PRKN: variants seen among roughly 807,000 people sequenced by gnomAD.
PRKN encodes the protein E3 ubiquitin-protein ligase parkin.
In PRKN, 56 loss-of-function variants were observed where a neutral mutation model predicts 59.5. The observed-to-expected ratio is 0.94, with a 90% CI of 0.76 to 1.18. The LOEUF is 1.18. Ranked by LOEUF, PRKN falls within the 50% of genes most tolerant of loss-of-function variation. PRKN has a pLI of 0.00. For missense variants in PRKN, 657 were observed against 596.4 expected, an observed-to-expected ratio of 1.10 and a Z score of -1.06; for synonymous variants, 250 against 222.1, an observed-to-expected ratio of 1.13 and a Z score of -1.12.
intron 1 of PRKN, among the ~76,000 whole-genome samples, chr6:162,593,234 T>C (rs1469385456): frequency 6.6e-6 from 1 of 152,172 alleles, no homozygotes; most frequent in African/African-American, 2.4e-5. Flanking sequence ...TCGAGGGCAA[T>C]TGGGCATCTT....
rs1391554735 is a variant in PRKN at position 162,338,614 on chromosome 6, C to A, written c.172-75849G>T. 2.1e-3 allele frequency among the ~76,000 whole-genome samples: 321 copies of A among 152,126 alleles called. 2 individuals are homozygous for A. The highest frequency in any genetic ancestry group is 7.4e-3 in the African/African-American group (309 of 41,562). ...TCTCGGCTCACTACAACCTACACCT[C>A]CCAGCCGCCTGCCTTGGCCTCCCAA... On this transcript the variant is annotated intron_variant, in intron 2 of 11. Transcript: ENST00000366898.
chr6:162,572,754 CTT>C (rs1780394729), intron 1 of PRKN, among the ~76,000 whole-genome samples: 1 of 152,168 alleles, frequency 6.6e-6, no homozygotes. Flanking sequence ...AATGATAACA[CTT>C]ATTATGCAGA....
chr6:162,374,298 CT>C (rs1175861947), intron 2 of PRKN, among the ~76,000 whole-genome samples: 1 of 151,504 alleles, frequency 6.6e-6, no homozygotes, highest in Non-Finnish European at 1.5e-5. Flanking sequence ...AAAAGAAGGA[CT>C]TTAGGTTACT....
chr6:162,685,043 G>A (rs1051757529), intron 1 of PRKN, among the ~76,000 whole-genome samples: 7 of 152,112 alleles, frequency 4.6e-5, no homozygotes, highest in Non-Finnish European at 1.0e-4. Context: ...CAGCAGGACT[G>A]GACATGTTCC....
intron 6 of PRKN, among the ~76,000 whole-genome samples, chr6:161,924,795 C>T (rs1264027174): frequency 6.6e-6 from 1 of 152,174 alleles, no homozygotes; most frequent in African/African-American, 2.4e-5. Flanking sequence ...ATCTCCACAG[C>T]ATTAAATTCA....
chr6:162,059,343 T>C (rs1207204888), intron 4 of PRKN, among the ~76,000 whole-genome samples: 4 of 152,232 alleles, frequency 2.6e-5, no homozygotes, highest in Non-Finnish European at 2.9e-5. Flanking sequence ...TGTTAGTTTA[T>C]GCAGCTGCTC....
chr6:161,364,094 G>A (rs1464504904), intron 10 of PRKN, among the ~76,000 whole-genome samples: 1 of 150,832 alleles, frequency 6.6e-6, no homozygotes, highest in Non-Finnish European at 1.5e-5. Context: ...GCGTGAACCC[G>A]GGAGGCTGAG....
chr6:162,536,970 C>G (rs1267540745), intron 1 of PRKN, among the ~76,000 whole-genome samples: 1 of 151,966 alleles, frequency 6.6e-6, no homozygotes, highest in Non-Finnish European at 1.5e-5. Context: ...GGTTGTTGAC[C>G]AATTGTATGT....
At chr6:161,781,230 G>A (rs186712399) in intron 7 of PRKN, among the ~76,000 whole-genome samples, 41 of 152,080 alleles carry the variant, frequency 2.7e-4, no homozygotes, top group Admixed American at 7.2e-4. Context: ...GAGGTGCCAG[G>A]GAATATAAGT....
At chr6:161,973,450 G>A in intron 5 of PRKN, 33 bp from the exon 6 acceptor site, 1 of 1,182,996 alleles carries the variant, frequency 8.5e-7, no homozygotes, top group Non-Finnish European at 1.3e-6. Flanking sequence ...CACACACATG[G>A]ATCCCGGCTG....
intron 1 of PRKN, among the ~76,000 whole-genome samples, chr6:162,705,757 C>A (rs955992138): frequency 1.3e-5 from 2 of 152,176 alleles, no homozygotes; most frequent in African/African-American, 4.8e-5. Context: ...TATTCTGTAA[C>A]CCTCAGTCAG....
rs573316115 is a variant in PRKN at position 161,785,808 on chromosome 6, G to A, written c.835C>T (p.His279Tyr). The A allele has an allele frequency of 1.9e-6, 3 of 1,614,066 alleles. No homozygotes were observed. Among genetic ancestry groups the A allele is most frequent in the South Asian group, 2.2e-5 (2 of 91,024 alleles). ...VTRLNDRQFV[H>Y]DPQLGYSLPC... ...AGGGAGTAGCCAAGTTGAGGGTCGT[G>A]AACAAACTGCCGATCATTGAGTCTT... Residue 279 changes from histidine to tyrosine, a missense_variant, in exon 7 of 12, where the codon CAC becomes TAC. By Grantham distance (83) the His-to-Tyr change is moderately conservative. Transcript: ENST00000366898.
chr6:161,751,707 C>A (rs1014584446), intron 7 of PRKN, among the ~76,000 whole-genome samples: 22 of 152,174 alleles, frequency 1.4e-4, no homozygotes, highest in East Asian at 5.8e-4. Context: ...ATTACACGAT[C>A]CCTGCCTTCT....
At chr6:162,414,506 G>C in intron 2 of PRKN, among the ~76,000 whole-genome samples, 1 of 151,724 alleles carries the variant, frequency 6.6e-6, no homozygotes, top group Non-Finnish European at 1.5e-5. Flanking sequence ...AGGAGATCAA[G>C]ACCATCCTGG....
At chr6:161,495,414 A>G (rs1287283250) in intron 9 of PRKN, among the ~76,000 whole-genome samples, 1 of 152,198 alleles carries the variant, frequency 6.6e-6, no homozygotes, top group Non-Finnish European at 1.5e-5. Flanking sequence ...AGAAGCCTTC[A>G]CTGGGCACGT....
At chr6:161,905,320 G>T (rs1240361241) in intron 6 of PRKN, among the ~76,000 whole-genome samples, 2 of 152,066 alleles carry the variant, frequency 1.3e-5, no homozygotes, top group Non-Finnish European at 2.9e-5. Context: ...CCTAAACCTG[G>T]GTCACCCCAG....
intron 7 of PRKN, among the ~76,000 whole-genome samples, chr6:161,763,231 C>G (rs1054843219): frequency 6.6e-6 from 1 of 152,100 alleles, no homozygotes; most frequent in Admixed American, 6.5e-5. Flanking sequence ...GCTTGTGAGC[C>G]GTGAGTTGGC....
At chr6:161,816,978 G>C (rs965463418) in intron 6 of PRKN, among the ~76,000 whole-genome samples, 1 of 151,996 alleles carries the variant, frequency 6.6e-6, no homozygotes, top group African/African-American at 2.4e-5. Context: ...CCTGGCTTTG[G>C]GCTTTCATTA....
intron 6 of PRKN, among the ~76,000 whole-genome samples, chr6:161,966,247 T>C (rs988563228): frequency 6.6e-6 from 1 of 151,694 alleles, no homozygotes. Flanking sequence ...CCAGACTCCT[T>C]AGATAGAAAT....
Sources: allele counts gnomAD v4.1 joint callset (sites outside exome capture counted in the v4.1 genomes callset), GRCh38; gene constraint gnomAD v4.1.1; transcripts MANE v1.5; gene names NCBI Gene and HGNC (gene_info 2026-07-23, HGNC 2026-07-21).